The following TTLL12 variants were observed in gnomAD, a reference collection of about 807,000 sequenced individuals.
The protein encoded by TTLL12 is tubulin--tyrosine ligase-like protein 12.
A neutral mutation model predicts 79.6 loss-of-function variants in TTLL12; 77 were observed. The ratio of observed to expected loss-of-function variants is 0.97; its 90% CI spans 0.81 to 1.17. The LOEUF is 1.17. Among genes scored for constraint, TTLL12 ranks in the 50% most tolerant of loss-of-function variants. The pLI is 0.00. For synonymous variants in TTLL12, 437 were observed against 376.1 expected, an observed-to-expected ratio of 1.16 and a Z score of -1.87; for missense variants, 969 against 895.9, an observed-to-expected ratio of 1.08 and a Z score of -1.04.
rs1261827035 is a variant in TTLL12, at chr22:43,171,908, A to C, written c.1494-8T>G. 1.5e-5 allele frequency: 24 copies of C among 1,613,716 alleles called. No individual in the cohort carries two copies. The highest frequency in any genetic ancestry group is 2.0e-5 in the Non-Finnish European group (24 of 1,179,728). On this transcript the variant is annotated splice_region_variant and splice_polypyrimidine_tract_variant and intron_variant, in intron 10 of 13. Coordinates refer to ENST00000216129, the MANE Select transcript of TTLL12 (RefSeq NM_015140.4). The stretch of plus-strand genomic sequence containing the variant: ...TCGTTGAGTGCAAAGGCCCTGGAAG[A>C]CAAGTGTGCAGACACATATGGGTTC...
rs775966017 is a variant in TTLL12 at position 43,176,308 on chromosome 22, G to A, written c.917+12C>T. ...CAAGTCCCAGCCCAAGCAGTGGGGG[G>A]GGGCTACGCACTTGAAGATGTGGCC... is the stretch of plus-strand genomic sequence containing the variant. On this transcript the variant is annotated intron_variant, in intron 6 of 13. Transcript: ENST00000216129. The A allele has an allele frequency of 4.7e-5, 74 of 1,576,522 alleles. No individual in the cohort carries two copies. Among genetic ancestry groups the A allele is most frequent in the Non-Finnish European group, 5.9e-5 (68 of 1,158,412 alleles).
Position 43,169,543 on chromosome 22 carries a change from T to A in TTLL12, c.1601A>T (p.Glu534Val), listed in dbSNP as rs1345346270. 5.6e-6 allele frequency: 9 copies of A among 1,610,152 alleles called. No homozygotes were observed. The highest frequency in any genetic ancestry group is 1.3e-5 in the African/African-American group (1 of 74,786). Reference protein sequence around the residue: ...KQVHCEEFIPEFEKQYPEFPW... With the variant: ...KQVHCEEFIPVFEKQYPEFPW... ...AAATTCTGGGTATTGCTTCTCAAAC[T>A]CGGGGATGAACTCTTCACAGTGCAC... The change falls in exon 12 of 14, where the codon GAG becomes GTG. Residue 534 changes from glutamate (E) to valine (V), a missense_variant. Transcript: ENST00000216129.
rs1260459970 is a variant in TTLL12, at chr22:43,166,959, C to A, written c.*1049G>T. 8 of 313,114 alleles carry A rather than the reference C, an allele frequency of 2.6e-5. No individual in the cohort carries two copies. In the East Asian group the frequency reaches 5.9e-4, roughly 23 times the overall value. 19.4% of individuals were successfully genotyped at this position (313,114 alleles called of 1,614,324 possible). A position where few individuals can be genotyped will look rare whatever the true frequency, so the allele number is the denominator to read the frequency against. The stretch of plus-strand genomic sequence containing the variant: ...CTGGGCAGTTAGGTCCACCCACTGC[C>A]CGTGAGCTGGGCCCAGGCACACTGC... On this transcript the variant is annotated 3_prime_UTR_variant, in exon 14 of 14. Transcript: ENST00000216129.
Position 43,183,058 on chromosome 22 carries a change from T to G in TTLL12, c.269A>C (p.Gln90Pro). 6.2e-7 allele frequency: 1 copy of G among 1,614,064 alleles called. No homozygotes were observed. ...GCACAGCTCGTTCCCCGGGTTGGGCTGCTGCTTCCGCACCTCCCGGGCTGC... is the reference window on the plus strand; with the variant it reads ...GCACAGCTCGTTCCCCGGGTTGGGCGGCTGCTTCCGCACCTCCCGGGCTGC... The part of the protein sequence containing the change: ...DEAAREVRKQ[Q>P]PNPGNELCYK... The change falls in exon 2 of 14, where the codon CAG becomes CCG. Residue 90 changes from glutamine to proline, a missense_variant. Coordinates refer to ENST00000216129, the MANE Select transcript of TTLL12 (RefSeq NM_015140.4).
intron 11 of TTLL12, 98 bp from the exon 12 acceptor site, chr22:43,169,666 G>C (rs756557656): frequency 3.0e-6 from 4 of 1,348,706 alleles, no homozygotes; most frequent in East Asian, 2.4e-5. Context: ...TCTGACACTG[G>C]GTGGGGGTTC....
chr22:43,182,046 G>GAAAGGCCC (rs1205893732), intron 2 of TTLL12, among the ~76,000 whole-genome samples: 3 of 150,676 alleles, frequency 2.0e-5, no homozygotes, highest in Admixed American at 6.6e-5. Context: ...CCCGGAAGCA[G>GAAAGGCCC]GTGGGGCTGA....
At chr22:43,180,616 G>T in intron 3 of TTLL12, 126 bp downstream of exon 3, 1 of 1,123,260 alleles carries the variant, frequency 8.9e-7, no homozygotes, top group African/African-American at 1.5e-5. Context: ...ACTCTCCTTA[G>T]GAAGCCACAG....
intron 5 of TTLL12, among the ~76,000 whole-genome samples, 163 bp downstream of exon 5, chr22:43,179,456 C>CT (rs1931995873): frequency 6.6e-6 from 1 of 152,120 alleles, no homozygotes; most frequent in African/African-American, 2.4e-5. Context: ...TGTTCACTCT[C>CT]TGAGCCCCTC....
intron 13 of TTLL12, 25 bp from the exon 14 acceptor site, chr22:43,168,184 T>A (rs748213970): frequency 6.2e-7 from 1 of 1,608,318 alleles, no homozygotes; most frequent in Admixed American, 1.7e-5. Context: ...CGCAGCAGAG[T>A]GTGAAGGCTC....
At chr22:43,181,685 C>T (rs535327018) in intron 2 of TTLL12, among the ~76,000 whole-genome samples, 8 of 152,340 alleles carry the variant, frequency 5.3e-5, no homozygotes, top group South Asian at 2.1e-4. Context: ...TAGACAAAGC[C>T]GCCCCCAGCT....
In TTLL12 at chr22:43,167,330, C is replaced by T. The variant is rs898582055; in HGVS notation, c.*678G>A. 11 of 365,396 alleles carry T rather than the reference C, an allele frequency of 3.0e-5. No individual in the cohort carries two copies. The highest frequency in any genetic ancestry group is 4.4e-5 in the Non-Finnish European group (8 of 180,552). 22.6% of individuals were successfully genotyped at this position (365,396 alleles called of 1,614,324 possible). A position where few individuals can be genotyped will look rare whatever the true frequency, so the allele number is the denominator to read the frequency against. On this transcript the variant is annotated 3_prime_UTR_variant, in exon 14 of 14. Transcript: ENST00000216129. The stretch of plus-strand genomic sequence containing the variant: ...GTTGGGGTCTGTGACCCTCAGCAAA[C>T]GAAAAGGAAACGGTAACAAGACGGT...
At chr22:43,175,839 ATTT>A (rs753447234) in intron 6 of TTLL12, among the ~76,000 whole-genome samples, 21,572 of 128,196 alleles carry the variant, frequency 0.17, 1,759 homozygotes, top group East Asian at 0.43. Context: ...TGCCCTACTA[ATTT>A]TTTTTTTTTT....
At chr22:43,186,151 G>T in intron 1 of TTLL12, 1 of 225,798 alleles carries the variant, frequency 4.4e-6, no homozygotes, top group Non-Finnish European at 7.1e-6. Context: ...CCGGGAGACA[G>T]CACCTGGAGG....
chr22:43,180,154 C>G (rs368394464), intron 3 of TTLL12, among the ~76,000 whole-genome samples, 154 bp from the exon 4 acceptor site: 1 of 152,178 alleles, frequency 6.6e-6, no homozygotes, highest in South Asian at 2.1e-4. Flanking sequence ...AAGCTAGGGG[C>G]TCCGGGACAG....
In TTLL12 at chr22:43,174,312, G is replaced by A. The variant is rs773607417; in HGVS notation, c.1126C>T (p.Arg376Cys). ...GGGCCCTCGGGGCCACCTGCCCGGC[G>A]CGCGATGGAGGCCAGGCAGTCCTTG... ...TVKDCLASIA[R>C]RAGGPEGPPW... Residue 376 changes from arginine to cysteine, a missense_variant, in exon 8 of 14, where the codon CGC (arginine) becomes TGC (cysteine). Transcript: ENST00000216129. 5.0e-6 allele frequency: 8 copies of A among 1,610,700 alleles called. No homozygotes were observed. The highest frequency in any genetic ancestry group is 2.2e-5 in the East Asian group (1 of 44,838).
At chr22:43,168,659 G>T (rs1172560333) in intron 13 of TTLL12, 115 bp downstream of exon 13, 1 of 1,425,044 alleles carries the variant, frequency 7.0e-7, no homozygotes, top group East Asian at 2.5e-5. Context: ...CCAGATTCCT[G>T]GCTGATTCAA....
At chr22:43,177,958 C>T (rs572130083) in intron 5 of TTLL12, among the ~76,000 whole-genome samples, 6 of 152,322 alleles carry the variant, frequency 3.9e-5, no homozygotes, top group African/African-American at 1.4e-4. Flanking sequence ...AACAAGGATG[C>T]GTGGCCTTGT....
intron 9 of TTLL12, among the ~76,000 whole-genome samples, chr22:43,173,406 G>A (rs1428895092): frequency 2.0e-5 from 3 of 152,290 alleles, no homozygotes; most frequent in East Asian, 3.9e-4. Flanking sequence ...AACCTCCCGG[G>A]CTCAAGTGAT....
At chr22:43,179,541 A>G (rs988806835) in intron 5 of TTLL12, 78 bp downstream of exon 5, 3 of 1,440,608 alleles carry the variant, frequency 2.1e-6, no homozygotes, top group African/African-American at 1.5e-5. Flanking sequence ...CTGGGGTTTG[A>G]TAACATTTGG....
Sources: gnomAD v4.1 joint callset for allele counts (sites outside exome capture counted in the v4.1 genomes callset) on GRCh38, gnomAD v4.1.1 for gene constraint, MANE v1.5 for transcripts, NCBI Gene and HGNC (gene_info 2026-07-23, HGNC 2026-07-21) for gene names.